Variants in ADGRV1 observed in about 807,000 individuals in gnomAD.
ADGRV1 encodes G-protein coupled receptor 98.
A neutral mutation model predicts 596.2 loss-of-function variants in ADGRV1; 359 were observed. The ratio of observed to expected loss-of-function variants is 0.60; its 90% CI spans 0.55 to 0.66. The LOEUF is 0.66. Ranked by LOEUF, ADGRV1 falls within the 30% of genes least tolerant of loss-of-function variation. The pLI is 0.00. For synonymous variants in ADGRV1, 2,681 were observed against 2,679.2 expected, an observed-to-expected ratio of 1.00 and a Z score of -0.02; for missense variants, 7,274 against 7,575.6, an observed-to-expected ratio of 0.96 and a Z score of 1.48.
chr5:90,717,247 A>G (rs1350967455), intron 43 of ADGRV1: 1 of 152,162 alleles, frequency 6.6e-6, no homozygotes, highest in Non-Finnish European at 1.5e-5. Context: ...CTTTTTCTAT[A>G]TATTAACAAT....
intron 70 of ADGRV1, among the ~76,000 whole-genome samples, chr5:90,795,336 T>G (rs2150152395): frequency 6.6e-6 from 1 of 152,232 alleles, no homozygotes; most frequent in Non-Finnish European, 1.5e-5. Flanking sequence ...CCACCATGGC[T>G]GAGGCTTGAG....
intron 85 of ADGRV1, among the ~76,000 whole-genome samples, chr5:91,037,636 A>G (rs1455839135): frequency 6.6e-6 from 1 of 152,208 alleles, no homozygotes; most frequent in Non-Finnish European, 1.5e-5. Context: ...CAGATAAGCC[A>G]TAAAAAGATT....
chr5:90,814,623 T>G (rs941252308), intron 74 of ADGRV1, among the ~76,000 whole-genome samples: 1 of 152,142 alleles, frequency 6.6e-6, no homozygotes, highest in Admixed American at 6.6e-5. Context: ...CTTCCTTTGC[T>G]GTCTCTCTCC....
At chr5:90,923,010 A>G (rs1357753655) in intron 83 of ADGRV1, among the ~76,000 whole-genome samples, 1 of 147,576 alleles carries the variant, frequency 6.8e-6, no homozygotes, top group Non-Finnish European at 1.5e-5. Flanking sequence ...ATTTTGTCTT[A>G]TCTAATGGTC....
In ADGRV1 at chr5:90,976,233, T is replaced by C. The variant is rs577182632; in HGVS notation, c.17974-9111T>C. Among the ~76,000 whole-genome samples the C allele has an allele frequency of 2.1e-4, 31 of 146,458 alleles. 2 individuals are homozygous for C. The highest frequency in any genetic ancestry group is 1.5e-3 in the South Asian group (7 of 4,668). ...GTGAGTGTGTATATATATATATATATACACAATGTACATATATTTATATAT... is the reference window on the plus strand; with the variant it reads ...GTGAGTGTGTATATATATATATATACACACAATGTACATATATTTATATAT... On this transcript the variant is annotated intron_variant, in intron 84 of 89. Transcript: ENST00000405460.
intron 87 of ADGRV1, among the ~76,000 whole-genome samples, chr5:91,112,805 G>A (rs1362719494): frequency 2.6e-5 from 4 of 152,130 alleles, no homozygotes; most frequent in African/African-American, 4.8e-5. Context: ...ACCAAGCAAC[G>A]TGAGTTATCC....
chr5:91,014,960 G>A (rs1783056367), intron 85 of ADGRV1, among the ~76,000 whole-genome samples: 1 of 151,796 alleles, frequency 6.6e-6, no homozygotes, highest in Admixed American at 6.6e-5. Context: ...TAATATTTGA[G>A]TCGTGATGTT....
At chr5:90,692,574 G>T (rs780288543) in intron 31 of ADGRV1, 31 bp from the exon 32 acceptor site, 2 of 1,528,194 alleles carry the variant, frequency 1.3e-6, no homozygotes, top group South Asian at 2.4e-5. Context: ...GAACTGTGAT[G>T]CTGTTAAGGA....
At chr5:90,852,262 CTCTT>C (rs1409149554) in intron 79 of ADGRV1, among the ~76,000 whole-genome samples, 1 of 152,142 alleles carries the variant, frequency 6.6e-6, no homozygotes, top group Non-Finnish European at 1.5e-5. Flanking sequence ...TTGGCCCTTA[CTCTT>C]TCTTTTCCTG....
intron 50 of ADGRV1, among the ~76,000 whole-genome samples, chr5:90,743,217 A>G (rs1754184155): frequency 6.6e-6 from 1 of 152,160 alleles, no homozygotes; most frequent in Non-Finnish European, 1.5e-5. Context: ...AACTTGATGA[A>G]AAATATATGG....
At chr5:90,769,910 CAGAA>C (rs1757514209) in intron 59 of ADGRV1, among the ~76,000 whole-genome samples, 1 of 152,042 alleles carries the variant, frequency 6.6e-6, no homozygotes, top group Non-Finnish European at 1.5e-5. Context: ...ATTGGAAACT[CAGAA>C]TTGATATAAA....
At chr5:90,661,313 T>C (rs1770258494) in intron 21 of ADGRV1, among the ~76,000 whole-genome samples, 1 of 152,196 alleles carries the variant, frequency 6.6e-6, no homozygotes, top group Admixed American at 6.5e-5. Context: ...GCATTATATG[T>C]TATATTTATA....
At chr5:91,056,933 C>T (rs923227221) in intron 85 of ADGRV1, among the ~76,000 whole-genome samples, 2 of 152,170 alleles carry the variant, frequency 1.3e-5, no homozygotes, top group African/African-American at 4.8e-5. Flanking sequence ...AAACAAACAG[C>T]AAGTAATAAG....
intron 83 of ADGRV1, among the ~76,000 whole-genome samples, chr5:90,954,944 A>T (rs1256841088): frequency 6.6e-6 from 1 of 151,880 alleles, no homozygotes; most frequent in Non-Finnish European, 1.5e-5. Flanking sequence ...TAACAGAGTG[A>T]TGGTATTTGG....
intron 85 of ADGRV1, among the ~76,000 whole-genome samples, chr5:91,007,328 G>GT (rs1416106312): frequency 2.0e-5 from 3 of 152,090 alleles, no homozygotes; most frequent in Admixed American, 2.0e-4. Context: ...AATACAAAAT[G>GT]TTTTTTAACA....
At chr5:90,603,948 A>G (rs1240132705) in intron 1 of ADGRV1, among the ~76,000 whole-genome samples, 1 of 146,546 alleles carries the variant, frequency 6.8e-6, no homozygotes, top group Non-Finnish European at 1.5e-5. Context: ...CACCTTGTGA[A>G]CTGGTTTTCC....
At chr5:90,769,193 G>A (rs1473644084) in intron 59 of ADGRV1, among the ~76,000 whole-genome samples, 2 of 152,012 alleles carry the variant, frequency 1.3e-5, no homozygotes, top group Admixed American at 6.6e-5. Flanking sequence ...TGAGATGCAG[G>A]GTACAGCCAC....
chr5:90,790,778 T>C, intron 69 of ADGRV1, 95 bp from the exon 70 acceptor site: 1 of 766,148 alleles, frequency 1.3e-6, no homozygotes. Flanking sequence ...ATTATATTTT[T>C]TTTTTGTATA....
In ADGRV1 at chr5:90,811,312, C is replaced by T. The variant is rs1762421553; in HGVS notation, c.16052C>T (p.Ala5351Val). Reference sequence around the variant, plus strand: ...GAGGAGAAGGATGATACTGGATTTGCAGCTTTTGCCATGGTTATTATTACA... The same window carrying T: ...GAGGAGAAGGATGATACTGGATTTGTAGCTTTTGCCATGGTTATTATTACA... Reference protein sequence around the residue: ...IVEEKDDTGFAAFAMVIITGS... With the variant: ...IVEEKDDTGFVAFAMVIITGS... The change falls in exon 74 of 90, where the codon GCA (alanine) becomes GTA (valine). Residue 5351 changes from alanine to valine, a missense_variant. Physicochemically the swap from Ala to Val is moderately conservative, Grantham distance 64. Around this residue, in one of 5 missense-constraint regions of ADGRV1, gnomAD observed 1,874 missense variants for 1,970.2 expected, o/e 0.95. Coordinates refer to ENST00000405460, the MANE Select transcript of ADGRV1 (RefSeq NM_032119.4). 3 of 1,606,066 alleles carry T rather than the reference C, an allele frequency of 1.9e-6. No homozygotes were observed. The highest frequency in any genetic ancestry group is 1.3e-5 in the African/African-American group (1 of 74,742).
Sources: gnomAD v4.1 joint callset for allele counts (sites outside exome capture counted in the v4.1 genomes callset) on GRCh38, gnomAD v4.1.1 for gene constraint, gnomAD v4.1.1 regional missense constraint, MANE v1.5 for transcripts, NCBI Gene and HGNC (gene_info 2026-07-23, HGNC 2026-07-21) for gene names.